KCNIP4: variants seen among roughly 807,000 people sequenced by gnomAD.
The protein encoded by KCNIP4 is potassium voltage-gated channel interacting protein 4.
A neutral mutation model predicts 34.0 loss-of-function variants in KCNIP4; 12 were observed. The observed-to-expected ratio is 0.35, with a 90% CI of 0.23 to 0.57. The LOEUF (loss-of-function observed/expected upper bound fraction) is 0.57, where lower values mean the gene tolerates loss of function less well. KCNIP4 is among the 20% of genes least tolerant of loss of function. The pLI, the probability that KCNIP4 is intolerant of heterozygous loss-of-function variation, is 0.83. For missense variants in KCNIP4, 238 were observed against 311.7 expected, an observed-to-expected ratio of 0.76 and a Z score of 1.78; for synonymous variants, 124 against 102.2, an observed-to-expected ratio of 1.21 and a Z score of -1.29.
chr4:21,525,773 T>C (rs1234296872), intron 1 of KCNIP4, among the ~76,000 whole-genome samples: 1 of 152,180 alleles, frequency 6.6e-6, no homozygotes, highest in Non-Finnish European at 1.5e-5. Flanking sequence ...GCACTCTTTA[T>C]ATACAACTGA....
chr4:21,701,757 G>A (rs1242664695), intron 1 of KCNIP4, among the ~76,000 whole-genome samples: 3 of 152,094 alleles, frequency 2.0e-5, no homozygotes, highest in Admixed American at 2.0e-4. Context: ...CTGGCTGAGT[G>A]TAGGGGCATG....
intron 1 of KCNIP4, among the ~76,000 whole-genome samples, chr4:21,407,484 T>C (rs1341009323): frequency 6.6e-6 from 1 of 152,186 alleles, no homozygotes; most frequent in African/African-American, 2.4e-5. Context: ...TCCACAGCCT[T>C]GAACAGTGTC....
At chr4:21,238,314 T>C (rs907111944) in intron 1 of KCNIP4, among the ~76,000 whole-genome samples, 1 of 152,072 alleles carries the variant, frequency 6.6e-6, no homozygotes. Flanking sequence ...CTTTGAAAAC[T>C]GGCACAAGAC....
In KCNIP4 at chr4:21,381,776, G is replaced by T. The variant is rs373990642; in HGVS notation, c.62-499067C>A. 4.6e-5 allele frequency among the ~76,000 whole-genome samples: 7 copies of T among 152,228 alleles called. 1 individual carries two copies. In the South Asian group the frequency reaches 1.5e-3, roughly 32 times the overall value. On this transcript the variant is annotated intron_variant, in intron 1 of 8. Coordinates refer to ENST00000382152, the MANE Select transcript of KCNIP4 (RefSeq NM_025221.6). ...CCAAGGAATAAATTAATGTTTCTAC[G>T]ACTCCCAGCTTTATTTTCTGTCAAC...
At chr4:21,481,912 A>G (rs929863694) in intron 1 of KCNIP4, among the ~76,000 whole-genome samples, 1 of 152,194 alleles carries the variant, frequency 6.6e-6, no homozygotes, top group Non-Finnish European at 1.5e-5. Flanking sequence ...TTTATGAAAT[A>G]AAAGGTCTCC....
intron 1 of KCNIP4, among the ~76,000 whole-genome samples, chr4:21,569,083 C>T (rs760349423): frequency 1.2e-4 from 18 of 151,630 alleles, no homozygotes; most frequent in Non-Finnish European, 1.8e-4. Context: ...AGCCTCCAAA[C>T]CTGTGAGACA....
At chr4:21,683,833 A>G (rs963939306) in intron 1 of KCNIP4, among the ~76,000 whole-genome samples, 4 of 152,150 alleles carry the variant, frequency 2.6e-5, no homozygotes, top group Non-Finnish European at 5.9e-5. Context: ...AAACTAACGC[A>G]GGAACAGAAA....
intron 1 of KCNIP4, among the ~76,000 whole-genome samples, chr4:21,482,320 T>A (rs1469839287): frequency 6.6e-6 from 1 of 152,164 alleles, no homozygotes; most frequent in Non-Finnish European, 1.5e-5. Context: ...CATTTAAGGT[T>A]AATATTGTTA....
intron 1 of KCNIP4, among the ~76,000 whole-genome samples, chr4:21,341,926 G>A (rs1716800307): frequency 6.6e-6 from 1 of 152,088 alleles, no homozygotes; most frequent in Non-Finnish European, 1.5e-5. Flanking sequence ...ACATTGTGCA[G>A]AATGCGAGAT....
At chr4:21,108,574 A>G (rs1020318767) in intron 1 of KCNIP4, among the ~76,000 whole-genome samples, 2 of 151,500 alleles carry the variant, frequency 1.3e-5, no homozygotes, top group African/African-American at 4.9e-5. Context: ...TAGTTTGATC[A>G]TCTGAAGCCA....
At chr4:21,263,613 G>A (rs779176191) in intron 1 of KCNIP4, among the ~76,000 whole-genome samples, 2 of 152,092 alleles carry the variant, frequency 1.3e-5, no homozygotes, top group Non-Finnish European at 2.9e-5. Context: ...TGCCAGAGCC[G>A]GTGCTCTAAG....
chr4:21,458,794 CT>C (rs1729195034), intron 1 of KCNIP4, among the ~76,000 whole-genome samples: 1 of 152,040 alleles, frequency 6.6e-6, no homozygotes, highest in Admixed American at 6.6e-5. Context: ...CAGCTTAAAA[CT>C]TGCTGTGAAA....
intron 3 of KCNIP4, among the ~76,000 whole-genome samples, chr4:20,838,629 A>G (rs1236334776): frequency 6.6e-6 from 1 of 152,110 alleles, no homozygotes; most frequent in Non-Finnish European, 1.5e-5. Context: ...TGACTACCTC[A>G]CTTTCCCTCA....
At chr4:20,791,303 A>C (rs529574902) in intron 3 of KCNIP4, among the ~76,000 whole-genome samples, 1 of 152,292 alleles carries the variant, frequency 6.6e-6, no homozygotes, top group Non-Finnish European at 1.5e-5. Context: ...GAAAAAAGTC[A>C]TTCAAGCAGC....
chr4:21,527,906 T>A (rs143373817), intron 1 of KCNIP4, among the ~76,000 whole-genome samples: 232 of 152,298 alleles, frequency 1.5e-3, no homozygotes, highest in Admixed American at 2.7e-3. Context: ...CTTCTATTTA[T>A]GTTTGCTGTT....
chr4:21,499,981 C>T (rs1370841789), intron 1 of KCNIP4, among the ~76,000 whole-genome samples: 1 of 152,010 alleles, frequency 6.6e-6, no homozygotes, highest in Non-Finnish European at 1.5e-5. Context: ...AATGAAGCAT[C>T]CAGGAACACA....
intron 1 of KCNIP4, among the ~76,000 whole-genome samples, chr4:21,653,327 C>T (rs1747663107): frequency 6.6e-6 from 1 of 152,158 alleles, no homozygotes. Flanking sequence ...GCTTTCTTAT[C>T]TGCAAAATTG....
At chr4:21,764,932 T>C (rs573892625) in intron 1 of KCNIP4, among the ~76,000 whole-genome samples, 1 of 151,996 alleles carries the variant, frequency 6.6e-6, no homozygotes, top group Non-Finnish European at 1.5e-5. Flanking sequence ...TCATAAGCCC[T>C]TTGCTCTTCT....
chr4:21,261,388 G>T (rs1761459058), intron 1 of KCNIP4, among the ~76,000 whole-genome samples: 1 of 152,154 alleles, frequency 6.6e-6, no homozygotes, highest in East Asian at 1.9e-4. Flanking sequence ...GTATTAGAAT[G>T]GTTTCATTAC....
Sources: gnomAD v4.1 joint callset for allele counts (sites outside exome capture counted in the v4.1 genomes callset) on GRCh38, gnomAD v4.1.1 for gene constraint, MANE v1.5 for transcripts, NCBI Gene and HGNC (gene_info 2026-07-23, HGNC 2026-07-21) for gene names.